The following PCDHGB4 variants were observed in gnomAD, a reference collection of about 807,000 sequenced individuals.
PCDHGB4 encodes the protein protocadherin gamma subfamily B, 4.
PCDHGB4 carries 38 observed loss-of-function variants against 60.5 expected under a neutral mutation model. That is an observed-to-expected ratio of 0.63 (90% CI 0.48 to 0.82). PCDHGB4 has a LOEUF of 0.82. PCDHGB4 is among the 40% of genes least tolerant of loss of function. The probability of loss-of-function intolerance (pLI) is 0.00; values close to 1 mark genes in which losing one functional copy is unlikely to be tolerated. For missense variants in PCDHGB4, 1,109 were observed against 1,209.6 expected, an observed-to-expected ratio of 0.92 and a Z score of 1.23; for synonymous variants, 456 against 509.7, an observed-to-expected ratio of 0.89 and a Z score of 1.42.
intron 1 of PCDHGB4, chr5:141,405,598 T>G: frequency 1.7e-6 from 1 of 577,840 alleles, no homozygotes; most frequent in South Asian, 2.2e-5. Context: ...GCCTCCCAAG[T>G]AGAATAACTG....
At chr5:141,422,881 T>G in intron 1 of PCDHGB4, 1 of 1,614,214 alleles carries the variant, frequency 6.2e-7, no homozygotes, top group East Asian at 2.2e-5. Flanking sequence ...GCTGAGCCTG[T>G]TCGTGCTGGA....
chr5:141,500,501 G>T (rs571735791), intron 2 of PCDHGB4, among the ~76,000 whole-genome samples: 6 of 152,176 alleles, frequency 3.9e-5, no homozygotes, highest in Non-Finnish European at 8.8e-5. Context: ...GAGCCACCGC[G>T]CCTGGCCGAG....
Position 141,427,654 on chromosome 5 carries a change from TCCACGTGGC to T in PCDHGB4, c.2397+37375_2397+37383del, listed in dbSNP as rs562748605. On this transcript the variant is annotated intron_variant, in intron 1 of 3. Coordinates refer to ENST00000519479, the MANE Select transcript of PCDHGB4 (RefSeq NM_003736.4). ...GTTTTCCACCAAGTCTCCTACGTGG[TCCACGTGGC>T]CGAAAACAACCTTCCCGGAGCCTCC... 2.0e-4 allele frequency: 148 copies of T among 727,622 alleles called. No individual in the cohort carries two copies. The African/African-American group carries it at 2.4e-3, about 12-fold the overall frequency. The allele number at this position is 727,622 out of a possible 1,614,324, so 45.1% of individuals were successfully genotyped here.
intron 1 of PCDHGB4, among the ~76,000 whole-genome samples, chr5:141,433,408 A>ATCTATCTATCTATCT (rs1413347413): frequency 7.9e-6 from 1 of 127,280 alleles, no homozygotes; most frequent in African/African-American, 2.9e-5. Flanking sequence ...TCTATCTATT[A>ATCTATCTATCTATCT]CTTTCTTGTA....
intron 1 of PCDHGB4, among the ~76,000 whole-genome samples, chr5:141,474,747 A>AGACAAATAT (rs1447050692): frequency 6.6e-6 from 1 of 152,264 alleles, no homozygotes; most frequent in African/African-American, 2.4e-5. Context: ...GTGATGTCCA[A>AGACAAATAT]GACAAATATA....
intron 1 of PCDHGB4, chr5:141,394,355 G>A: frequency 6.2e-7 from 1 of 1,614,182 alleles, no homozygotes; most frequent in Non-Finnish European, 8.5e-7. Context: ...CCGGTGTCCT[G>A]TATGCGCTGC....
chr5:141,403,620 C>T (rs1561689160), intron 1 of PCDHGB4: 1 of 1,613,916 alleles, frequency 6.2e-7, no homozygotes, highest in Non-Finnish European at 8.5e-7. Context: ...CCGCGTCGCT[C>T]CAGCACAGTG....
chr5:141,415,606 G>A lies in PCDHGB4; in HGVS notation c.2397+25325G>A. On this transcript the variant is annotated intron_variant, in intron 1 of 3. Transcript: ENST00000519479. ...GTTTCCTATAGAGGATACCCCATTG[G>A]TTCCAGTGAGTTTTATTTTCATTTT... The A allele has an allele frequency of 1.2e-6, 2 of 1,612,910 alleles. 1 individual carries two copies. Among genetic ancestry groups the A allele is most frequent in the East Asian group, 4.5e-5 (2 of 44,866 alleles).
intron 1 of PCDHGB4, chr5:141,419,512 G>T (rs754877872): frequency 3.7e-6 from 6 of 1,612,296 alleles, no homozygotes; most frequent in South Asian, 1.1e-5. Context: ...TGCGCGTGTT[G>T]GTGGGCGACC....
Position 141,389,438 on chromosome 5 carries a change from C to G in PCDHGB4, c.1554C>G (p.Phe518Leu). 6.2e-7 allele frequency: 1 copy of G among 1,610,592 alleles called. No homozygotes were observed. Among genetic ancestry groups the G allele is most frequent in the East Asian group, 2.2e-5 (1 of 44,886 alleles). The change falls in exon 1 of 4, where the codon TTC becomes TTG. Residue 518 changes from phenylalanine (F) to leucine (L), a missense_variant. Phe to Leu is a conservative substitution (Grantham distance 22). Transcript: ENST00000519479. Reference sequence around the variant, plus strand: ...GGGTGGTGTTCGCGCAGCGCGCCTTCGACCACGAGCAGCTGCGCGCCTTCG... The same window carrying G: ...GGGTGGTGTTCGCGCAGCGCGCCTTGGACCACGAGCAGCTGCGCGCCTTCG... ...ESGVVFAQRAFDHEQLRAFEL... is the reference protein window; with the variant it reads ...ESGVVFAQRALDHEQLRAFEL...
chr5:141,389,234 C>A lies in PCDHGB4; in HGVS notation c.1350C>A (p.Phe450Leu). The A allele has an allele frequency of 1.2e-6, 2 of 1,614,076 alleles. No individual in the cohort carries two copies. Among genetic ancestry groups the A allele is most frequent in the Non-Finnish European group, 1.7e-6 (2 of 1,179,904 alleles). The stretch of plus-strand genomic sequence containing the variant: ...ATGTAAATGACAACGCTCCGGTTTT[C>A]TCACAGTCTTCCTATATAGTCCACG... Reference protein sequence around the residue: ...IGDVNDNAPVFSQSSYIVHVA... With the variant: ...IGDVNDNAPVLSQSSYIVHVA... Residue 450 changes from phenylalanine (F) to leucine (L), a missense_variant, in exon 1 of 4, where the codon TTC becomes TTA. Around this residue, in one of 2 missense-constraint regions of PCDHGB4, gnomAD observed 1,068 missense variants for 1,089.9 expected, o/e 0.98. Coordinates refer to ENST00000519479, the MANE Select transcript of PCDHGB4 (RefSeq NM_003736.4).
At position 141,486,923 on chromosome 5, in the gene PCDHGB4, G is replaced by A. The variant is rs1377159895; in HGVS notation, c.2398-7884G>A. ...ATGTCCCCAAGCACTGCCTCCATCAGTTGGTGCTGGCCACCTAATCACAAA... is the reference window on the plus strand; with the variant it reads ...ATGTCCCCAAGCACTGCCTCCATCAATTGGTGCTGGCCACCTAATCACAAA... On this transcript the variant is annotated intron_variant, in intron 1 of 3. Transcript: ENST00000519479. This position sits in a 1 kb window ranked among gnomAD's most constrained non-coding sequence, Gnocchi z 5.0. 6.2e-7 allele frequency: 1 copy of A among 1,614,252 alleles called. No individual in the cohort carries two copies. Among genetic ancestry groups the A allele is most frequent in the Admixed American group, 1.7e-5 (1 of 60,028 alleles).
At chr5:141,509,344 T>A (rs2099876374) in intron 3 of PCDHGB4, among the ~76,000 whole-genome samples, 1 of 152,202 alleles carries the variant, frequency 6.6e-6, no homozygotes, top group Admixed American at 6.5e-5. Flanking sequence ...GGGCCTGGGC[T>A]GGCCTGGGCA....
rs775705715 is a variant in PCDHGB4 at position 141,422,475 on chromosome 5, C to T, written c.2397+32194C>T. ...GCAGAGTGCTGGACAGGGAGTTGGT[C>T]CAGAGCTACAATATAACGTTGACAG... On this transcript the variant is annotated intron_variant, in intron 1 of 3. Coordinates refer to ENST00000519479, the MANE Select transcript of PCDHGB4 (RefSeq NM_003736.4). The T allele has an allele frequency of 7.4e-6, 12 of 1,613,672 alleles. No individual in the cohort carries two copies. The East Asian group carries it at 2.0e-4, about 27-fold the overall frequency.
At position 141,491,613 on chromosome 5, in the gene PCDHGB4, A is replaced by AC; in HGVS notation, c.2398-3190dup. On this transcript the variant is annotated intron_variant, in intron 1 of 3. Coordinates refer to ENST00000519479, the MANE Select transcript of PCDHGB4 (RefSeq NM_003736.4). The surrounding 1 kb of genome is among the most constrained non-coding windows in gnomAD (Gnocchi z 6.9). Reference sequence around the variant, plus strand: ...ACGGCAGTGACTTCACTTTTCTAAGACCCCTCAGCGTTCAGCAGCCCACAG... The same window carrying AC: ...ACGGCAGTGACTTCACTTTTCTAAGACCCCCTCAGCGTTCAGCAGCCCACAG... 6.2e-7 allele frequency: 1 copy of AC among 1,613,568 alleles called. No homozygotes were observed. Among genetic ancestry groups the AC allele is most frequent in the Non-Finnish European group, 8.5e-7 (1 of 1,179,968 alleles).
intron 1 of PCDHGB4, chr5:141,405,325 G>A: frequency 5.6e-6 from 9 of 1,614,170 alleles, no homozygotes; most frequent in African/African-American, 1.3e-5. Context: ...ATGAGCCTTT[G>A]TGCGTCTCTG....
chr5:141,399,945 G>T, intron 1 of PCDHGB4: 2 of 1,612,308 alleles, frequency 1.2e-6, no homozygotes, highest in Non-Finnish European at 1.7e-6. Context: ...ACGTGCTGCA[G>T]GCTAGCGAGC....
In PCDHGB4 at chr5:141,486,705, A is replaced by T. The variant is rs2099633722; in HGVS notation, c.2398-8102A>T. On this transcript the variant is annotated intron_variant, in intron 1 of 3. Transcript: ENST00000519479. This position sits in a 1 kb window ranked among gnomAD's most constrained non-coding sequence, Gnocchi z 5.0. ...TCAGCTTCCTCTTTCATCTCTCTGA[A>T]CCCCCAGACAGGAGCTGTTCATGCT... The T allele has an allele frequency of 6.2e-7, 1 of 1,613,844 alleles. No individual in the cohort carries two copies. The highest frequency in any genetic ancestry group is 1.3e-5 in the African/African-American group (1 of 74,910).
chr5:141,405,546 A>G (rs2094684316), intron 1 of PCDHGB4: 1 of 630,658 alleles, frequency 1.6e-6, no homozygotes, highest in Admixed American at 2.9e-5. Context: ...CAGCCTCCCA[A>G]GTAGAGTAGC....
Sources: allele counts gnomAD v4.1 joint callset (sites outside exome capture counted in the v4.1 genomes callset), GRCh38; gene constraint gnomAD v4.1.1; regional missense constraint gnomAD v4.1.1; non-coding constraint Gnocchi (gnomAD v3.1); transcripts MANE v1.5; gene names NCBI Gene and HGNC (gene_info 2026-07-23, HGNC 2026-07-21).